NLRP1: variants seen among roughly 807,000 people sequenced by gnomAD.
The protein encoded by NLRP1 is NLR family pyrin domain containing 1.
Under a neutral mutation model 136.7 loss-of-function variants are expected in NLRP1, and 94 were observed. The ratio of observed to expected loss-of-function variants is 0.69; its 90% CI spans 0.58 to 0.82. The LOEUF (loss-of-function observed/expected upper bound fraction) is 0.82. NLRP1 is among the 40% of genes least tolerant of loss of function. The probability of loss-of-function intolerance (pLI) is 0.00; values close to 1 mark genes in which losing one functional copy is unlikely to be tolerated. For synonymous variants in NLRP1, 690 were observed against 725.1 expected (o/e 0.95, Z 0.78); for missense variants, 1,575 against 1,802.7 (o/e 0.87, Z 2.29).
downstream of NLRP1, among the ~76,000 whole-genome samples, chr17:5,509,215 T>C (rs1349090388): frequency 6.6e-6 from 1 of 152,218 alleles, no homozygotes; most frequent in African/African-American, 2.4e-5. Context: ...TCTTCTCCTA[T>C]TCTCCTCCTT....
chr17:5,573,812 C>A (rs1244782886), intron 3 of NLRP1, among the ~76,000 whole-genome samples: 1 of 152,098 alleles, frequency 6.6e-6, no homozygotes, highest in Non-Finnish European at 1.5e-5. Context: ...AAAACCCCAT[C>A]TTTATGTCAA....
chr17:5,501,863 G>A, exon 16 of NLRP1: 1 of 1,613,812 alleles, frequency 6.2e-7, no homozygotes, highest in Non-Finnish European at 8.5e-7. Context: ...CGGCTGGCTG[G>A]TGTTCCTTCC....
At chr17:5,565,147 A>G (rs1915194995) in intron 3 of NLRP1, among the ~76,000 whole-genome samples, 1 of 152,080 alleles carries the variant, frequency 6.6e-6, no homozygotes, top group African/African-American at 2.4e-5. Flanking sequence ...CCTCACAAGA[A>G]TTTGTTCTTG....
chr17:5,577,458 A>C (rs1340231102), intron 3 of NLRP1, among the ~76,000 whole-genome samples: 1 of 152,246 alleles, frequency 6.6e-6, no homozygotes, highest in Non-Finnish European at 1.5e-5. Flanking sequence ...AAGCATTCTT[A>C]CACACCAATA....
At chr17:5,533,851 C>T in intron 9 of NLRP1, 46 bp downstream of exon 9, 2 of 1,328,688 alleles carry the variant, frequency 1.5e-6, no homozygotes, top group Non-Finnish European at 1.1e-6. Context: ...AGCTGACCTC[C>T]CCCAACCCCT....
At chr17:5,560,085 A>G in intron 3 of NLRP1, 42 bp from the exon 4 acceptor site, 1 of 1,471,950 alleles carries the variant, frequency 6.8e-7, no homozygotes, top group Non-Finnish European at 9.0e-7. Flanking sequence ...GGTAGAGAAT[A>G]GAAGAATTAA....
intron 5 of NLRP1, among the ~76,000 whole-genome samples, chr17:5,547,750 T>A (rs891660561): frequency 6.6e-6 from 1 of 152,180 alleles, no homozygotes; most frequent in African/African-American, 2.4e-5. Flanking sequence ...TAGGAGTGGG[T>A]AGAGCAGCCT....
At chr17:5,571,834 C>T (rs1456543046) in intron 3 of NLRP1, among the ~76,000 whole-genome samples, 2 of 152,136 alleles carry the variant, frequency 1.3e-5, no homozygotes, top group African/African-American at 4.8e-5. Context: ...CATCACATTA[C>T]CTATTTTTAA....
intron 3 of NLRP1, among the ~76,000 whole-genome samples, chr17:5,562,244 TCTGCAGATCCTAGCTGAGCAGGA>T (rs1914841791): frequency 6.6e-6 from 1 of 152,242 alleles, no homozygotes; most frequent in South Asian, 2.1e-4. Context: ...CCCACCCACT[TCTGCAGATCCTAGCTGAGCAGGA>T]CTTGCTGGTT....
chr17:5,524,564 C>G (rs1909297466), intron 12 of NLRP1, among the ~76,000 whole-genome samples: 1 of 152,244 alleles, frequency 6.6e-6, no homozygotes, highest in Non-Finnish European at 1.5e-5. Flanking sequence ...TCCCCAGTTG[C>G]TTCTCCAAGA....
intron 3 of NLRP1, among the ~76,000 whole-genome samples, chr17:5,563,904 T>C (rs909516830): frequency 1.3e-5 from 2 of 152,150 alleles, no homozygotes; most frequent in African/African-American, 4.8e-5. Flanking sequence ...AAGGGGCAGG[T>C]CACCTAAAAA....
chr17:5,538,763 G>A (rs1376777621), intron 7 of NLRP1, among the ~76,000 whole-genome samples: 2 of 152,222 alleles, frequency 1.3e-5, no homozygotes, highest in Non-Finnish European at 2.9e-5. Flanking sequence ...ATGAAGCGCT[G>A]CCCTGGAGTG....
In NLRP1 at chr17:5,521,145, T is replaced by A. The variant is rs553103049; in HGVS notation, c.3784-133A>T. On this transcript the variant is annotated intron_variant, in intron 13 of 16. Coordinates refer to ENST00000572272, the MANE Select transcript of NLRP1 (RefSeq NM_033004.4). ...TATCACCCCTGCCTCCCTCCCCCCA[T>A]GCACTGCTACAGAGACAGCCCGCAC... 4.0e-4 allele frequency: 347 copies of A among 860,592 alleles called. 6 individuals carry two copies. The South Asian group carries it at 6.4e-3, about 16-fold the overall frequency. 53.3% of individuals were successfully genotyped at this position (860,592 alleles called of 1,614,324 possible). A position where few individuals can be genotyped will look rare whatever the true frequency, so the allele number is the denominator to read the frequency against.
chr17:5,559,882 C>A lies in NLRP1; in HGVS notation c.814G>T (p.Glu272Ter), dbSNP rs1914531192. 2.5e-6 allele frequency: 4 copies of A among 1,614,242 alleles called. No individual in the cohort carries two copies. The East Asian group carries it at 8.9e-5, about 36-fold the overall frequency. ...SLCSTWPWKN[E>*]DFNQKFTQLL... The stretch of plus-strand genomic sequence containing the variant: ...TGTGTGAATTTTTGGTTAAAATCCT[C>A]ATTTTTCCAGGGCCATGTGGAACAG... Residue 272 changes from glutamate (E) to a stop codon, truncating the protein, a stop_gained, in exon 4 of 17, where the codon GAG becomes TAG. Coordinates refer to ENST00000572272, the MANE Select transcript of NLRP1 (RefSeq NM_033004.4). LOFTEE classifies it high-confidence loss of function.
intron 5 of NLRP1, among the ~76,000 whole-genome samples, chr17:5,544,205 G>A (rs34541819): frequency 5.3e-5 from 8 of 152,128 alleles, no homozygotes; most frequent in African/African-American, 7.2e-5. Flanking sequence ...TTATTGCCAC[G>A]CTTTATCTCT....
chr17:5,531,138 TTGTCTGTC>T (rs372455691), intron 11 of NLRP1, among the ~76,000 whole-genome samples: 1 of 127,214 alleles, frequency 7.9e-6, no homozygotes, highest in African/African-American at 2.7e-5. Flanking sequence ...CTGTCTTGTC[TTGTCTGTC>T]TATCTATCTA....
chr17:5,569,779 A>G (rs1567668465), intron 3 of NLRP1, among the ~76,000 whole-genome samples: 1 of 152,340 alleles, frequency 6.6e-6, no homozygotes, highest in East Asian at 1.9e-4. Flanking sequence ...CCTAAGAGAC[A>G]TCTACAGAAC....
chr17:5,539,293 TA>T, intron 7 of NLRP1, 121 bp downstream of exon 7: 1 of 845,292 alleles, frequency 1.2e-6, no homozygotes, highest in Non-Finnish European at 1.8e-6. Context: ...TCACACAGTG[TA>T]AGTGGTAGAG....
intron 4 of NLRP1, among the ~76,000 whole-genome samples, chr17:5,555,053 A>ACG (rs1913884061): frequency 6.6e-6 from 1 of 151,026 alleles, no homozygotes; most frequent in African/African-American, 2.4e-5. Flanking sequence ...ACACACACAC[A>ACG]CACGAAAAAA....
Sources: allele counts gnomAD v4.1 joint callset (sites outside exome capture counted in the v4.1 genomes callset), GRCh38; gene constraint gnomAD v4.1.1; transcripts MANE v1.5; gene names NCBI Gene and HGNC (gene_info 2026-07-23, HGNC 2026-07-21).